HINT3: variants seen among roughly 807,000 people sequenced by gnomAD.
HINT3 encodes histidine triad nucleotide binding protein 3.
A neutral mutation model predicts 19.1 loss-of-function variants in HINT3; 16 were observed. The observed-to-expected ratio is 0.84, with a 90% CI of 0.57 to 1.27. The LOEUF (loss-of-function observed/expected upper bound fraction) is 1.27. HINT3 is among the 50% of genes most tolerant of loss of function. The pLI is 0.00. For missense variants in HINT3, 197 were observed against 225.8 expected (o/e 0.87, Z 0.82); for synonymous variants, 75 against 84.8 (o/e 0.88, Z 0.63).
At position 125,978,359 on chromosome 6, in the gene HINT3, C is replaced by T. The variant is rs1434815973; in HGVS notation, c.*683C>T. 1 of 151,912 alleles carries T rather than the reference C, an allele frequency of 6.6e-6. No homozygotes were observed. The highest frequency in any genetic ancestry group is 2.4e-5 in the African/African-American group (1 of 41,358). 9.4% of individuals were successfully genotyped at this position (151,912 alleles called of 1,614,324 possible). On this transcript the variant is annotated 3_prime_UTR_variant, in exon 5 of 5. Transcript: ENST00000229633. ...CAGAATTCACTGTAATGGAATTTTG[C>T]CTCTAATAACATAAAGGGGGAAGAA...
At chr6:125,967,326 CTTTTTT>C (rs537273461) in intron 2 of HINT3, among the ~76,000 whole-genome samples, 1 of 95,182 alleles carries the variant, frequency 1.1e-5, no homozygotes, top group Non-Finnish European at 2.0e-5. Flanking sequence ...ATTTTTATGA[CTTTTTT>C]TTTTTTTTTT....
rs1554209751 is a variant in HINT3, at chr6:125,962,271, CAT to C, written c.202-4614_202-4613del. 6.0e-3 allele frequency among the ~76,000 whole-genome samples: 106 copies of C among 17,572 alleles called. 11 individuals are homozygous for C. Among genetic ancestry groups the C allele is most frequent in the African/African-American group, 7.0e-3 (26 of 3,706 alleles). 11.5% of individuals were successfully genotyped at this position (17,572 alleles called of 152,430 possible). ...ATATACACACATATATATATATATACATACATATATATATACACATATATATA... is the reference window on the plus strand; with the variant it reads ...ATATACACACATATATATATATATACACATATATATATACACATATATATA... On this transcript the variant is annotated intron_variant, in intron 1 of 4. Transcript: ENST00000229633.
At chr6:125,975,581 G>GTTTTTTTTTTTTTTT (rs149094456) in intron 4 of HINT3, among the ~76,000 whole-genome samples, 2 of 143,620 alleles carry the variant, frequency 1.4e-5, no homozygotes, top group African/African-American at 5.2e-5. Flanking sequence ...TGGCTGAAGA[G>GTTTTTTTTTTTTTTT]TTGTTTTTTT....
chr6:125,972,329 G>T lies in HINT3; in HGVS notation c.389+1G>T, dbSNP rs1789113455. ...ATTTCACTGACTTCACGAATGTGAG[G>T]TGTGTATACTTCCAGATGGAAACCA... On this transcript the variant is annotated splice_donor_variant, in intron 3 of 4. Coordinates refer to ENST00000229633, the MANE Select transcript of HINT3 (RefSeq NM_138571.5). LOFTEE classifies it high-confidence loss of function. The T allele has an allele frequency of 6.5e-7, 1 of 1,537,916 alleles. No homozygotes were observed. The highest frequency in any genetic ancestry group is 8.8e-7 in the Non-Finnish European group (1 of 1,140,290).
intron 4 of HINT3, 106 bp downstream of exon 4, chr6:125,975,079 A>T: frequency 9.8e-7 from 1 of 1,025,108 alleles, no homozygotes; most frequent in Non-Finnish European, 1.4e-6. Flanking sequence ...CATAGACTTG[A>T]TTACCTGTTT....
chr6:125,962,346 G>T (rs1468084136), intron 1 of HINT3, among the ~76,000 whole-genome samples: 3 of 135,558 alleles, frequency 2.2e-5, no homozygotes, highest in African/African-American at 2.9e-5. Flanking sequence ...ACACATAACC[G>T]TATAATACAA....
rs928283800 is a variant in HINT3, at chr6:125,956,816, C to T, written c.-162C>T. ...AGGCCGGCCTCCGGCTTTGAAGTTCCTCACCGCGTCTCCTTCCCTCTCCCC... is the reference window on the plus strand; with the variant it reads ...AGGCCGGCCTCCGGCTTTGAAGTTCTTCACCGCGTCTCCTTCCCTCTCCCC... On this transcript the variant is annotated 5_prime_UTR_variant, in exon 1 of 5. Transcript: ENST00000229633. 3.9e-6 allele frequency: 3 copies of T among 763,712 alleles called. No individual in the cohort carries two copies. The highest frequency in any genetic ancestry group is 6.2e-6 in the Non-Finnish European group (3 of 487,074). 47.3% of individuals were successfully genotyped at this position (763,712 alleles called of 1,614,324 possible). A position where few individuals can be genotyped will look rare whatever the true frequency, so the allele number is the denominator to read the frequency against.
At chr6:125,960,988 A>C (rs1010759415) in intron 1 of HINT3, among the ~76,000 whole-genome samples, 4 of 152,222 alleles carry the variant, frequency 2.6e-5, no homozygotes, top group African/African-American at 9.6e-5. Context: ...TGAAACTAAT[A>C]GAAAATAGAT....
At chr6:125,960,754 T>G (rs921549077) in intron 1 of HINT3, among the ~76,000 whole-genome samples, 14 of 150,548 alleles carry the variant, frequency 9.3e-5, no homozygotes, top group African/African-American at 3.2e-4. Context: ...AGACAGCACC[T>G]GACAGGGAGA....
chr6:125,970,128 A>G (rs1395789042), intron 2 of HINT3, among the ~76,000 whole-genome samples: 1 of 152,140 alleles, frequency 6.6e-6, no homozygotes, highest in Non-Finnish European at 1.5e-5. Context: ...ACTTTAATGG[A>G]AAACCTTGAT....
chr6:125,973,050 T>A (rs890725702), intron 3 of HINT3, among the ~76,000 whole-genome samples: 1 of 151,208 alleles, frequency 6.6e-6, no homozygotes. Context: ...AAGCACATGA[T>A]GTTCAATTTT....
At chr6:125,960,313 A>G (rs933541590) in intron 1 of HINT3, among the ~76,000 whole-genome samples, 11 of 152,226 alleles carry the variant, frequency 7.2e-5, no homozygotes, top group African/African-American at 2.2e-4. Flanking sequence ...GTATTGACCC[A>G]GGGTTGGGAT....
At chr6:125,959,962 T>C (rs933008681) in intron 1 of HINT3, among the ~76,000 whole-genome samples, 19 of 152,170 alleles carry the variant, frequency 1.2e-4, no homozygotes, top group Admixed American at 9.8e-4. Context: ...AAACAATAAG[T>C]AAAATTTATA....
intron 2 of HINT3, among the ~76,000 whole-genome samples, chr6:125,969,744 T>C (rs1201139142): frequency 6.6e-6 from 1 of 152,154 alleles, no homozygotes; most frequent in Non-Finnish European, 1.5e-5. Context: ...TGTGTGTGTG[T>C]GGCTATTGTA....
chr6:125,958,618 G>T (rs1788873371), intron 1 of HINT3, among the ~76,000 whole-genome samples: 1 of 152,210 alleles, frequency 6.6e-6, no homozygotes, highest in Non-Finnish European at 1.5e-5. Context: ...CAGTATTCAG[G>T]AGGTAAAACA....
intron 4 of HINT3, among the ~76,000 whole-genome samples, chr6:125,977,303 A>T (rs1001984283): frequency 6.6e-5 from 10 of 152,186 alleles, no homozygotes; most frequent in African/African-American, 2.4e-4. Context: ...ATATGGTTGG[A>T]ATCCTACAGT....
rs145594277 is a variant in HINT3, at chr6:125,972,288, A to G, written c.349A>G (p.Ile117Val). The part of the protein sequence containing the change: ...VENMVTVGKT[I>V]LERNNFTDFT... ...GAACATGGTAACTGTTGGAAAAACC[A>G]TTCTTGAAAGAAATAATTTCACTGA... The change falls in exon 3 of 5, where the codon ATT (isoleucine) becomes GTT (valine). Residue 117 changes from isoleucine (I) to valine (V), a missense_variant. Ile to Val is a conservative substitution (Grantham distance 29). Coordinates refer to ENST00000229633, the MANE Select transcript of HINT3 (RefSeq NM_138571.5). The G allele has an allele frequency of 3.1e-5, 49 of 1,580,548 alleles. No individual in the cohort carries two copies. The African/African-American group carries it at 5.6e-4, about 18-fold the overall frequency.
Position 125,971,702 on chromosome 6 carries a change from CTTTTTT to C in HINT3, c.320-536_320-531del, listed in dbSNP as rs142105115. Among the ~76,000 whole-genome samples, 6 of 59,616 alleles carry C rather than the reference CTTTTTT, an allele frequency of 1.0e-4. No homozygotes were observed. The East Asian group carries it at 2.5e-3, about 24-fold the overall frequency. The allele number at this position is 59,616 out of a possible 152,430, so 39.1% of individuals were successfully genotyped here. On this transcript the variant is annotated intron_variant, in intron 2 of 4. Transcript: ENST00000229633. ...GGTGTGCACCACCATGCCTGGCTAC[CTTTTTT>C]TTTTTTTTTTTTTTTTTTTTGAGAC...
intron 2 of HINT3, among the ~76,000 whole-genome samples, chr6:125,970,244 T>A (rs1173166113): frequency 6.6e-6 from 1 of 152,198 alleles, no homozygotes; most frequent in Admixed American, 6.5e-5. Context: ...ATCAGTACAT[T>A]TGAGAACATA....
Sources: gnomAD v4.1 joint callset for allele counts (sites outside exome capture counted in the v4.1 genomes callset) on GRCh38, gnomAD v4.1.1 for gene constraint, MANE v1.5 for transcripts, NCBI Gene and HGNC (gene_info 2026-07-23, HGNC 2026-07-21) for gene names.